The following BBS12 variants were observed in gnomAD, a reference collection of about 807,000 sequenced individuals.
BBS12 encodes chaperonin-containing T-complex member BBS12.
BBS12 carries 5 observed loss-of-function variants against 5.6 expected under a neutral mutation model. The ratio of observed to expected loss-of-function variants is 0.89; its 90% CI spans 0.46 to 1.86. The LOEUF (loss-of-function observed/expected upper bound fraction) is 1.86. BBS12 is among the 40% of genes most tolerant of loss of function. BBS12 has a pLI of 0.01. For synonymous variants in BBS12, 308 were observed against 306.8 expected (o/e 1.00, Z -0.04); for missense variants, 748 against 830.4 (o/e 0.90, Z 1.22).
upstream of BBS12, chr4:122,731,945 A>G (rs1800702427): frequency 6.6e-6 from 1 of 152,240 alleles, no homozygotes; most frequent in South Asian, 2.1e-4. Flanking sequence ...TGCACTGAAG[A>G]GACTTTATAT....
At chr4:122,704,464 A>T in the BBS12 span, among the ~76,000 whole-genome samples, 5 of 152,218 alleles carry the variant, frequency 3.3e-5, no homozygotes, top group African/African-American at 1.2e-4. Flanking sequence ...CTTGGACCCT[A>T]GCTGGCGCCC....
the BBS12 span, among the ~76,000 whole-genome samples, chr4:122,716,712 CATA>C: frequency 1.6e-4 from 15 of 95,176 alleles, no homozygotes; most frequent in Non-Finnish European, 2.6e-4. Flanking sequence ...TATACATACA[CATA>C]TGTGTGTATA....
At chr4:122,713,310 T>C in the BBS12 span, among the ~76,000 whole-genome samples, 1 of 152,142 alleles carries the variant, frequency 6.6e-6, no homozygotes, top group African/African-American at 2.4e-5. Flanking sequence ...TAAATAAATG[T>C]ATTTTTAATT....
the BBS12 span, among the ~76,000 whole-genome samples, chr4:122,723,630 C>G: frequency 6.6e-6 from 1 of 152,216 alleles, no homozygotes; most frequent in East Asian, 1.9e-4. Context: ...ATTTTCCCCA[C>G]TTCTGATACT....
chr4:122,703,787 T>C, the BBS12 span, among the ~76,000 whole-genome samples: 5 of 152,210 alleles, frequency 3.3e-5, no homozygotes, highest in African/African-American at 1.2e-4. Flanking sequence ...AAAATTCAAA[T>C]TCAGGAAAAT....
the BBS12 span, among the ~76,000 whole-genome samples, chr4:122,714,836 AACAAT>A: frequency 6.6e-6 from 1 of 152,140 alleles, no homozygotes; most frequent in East Asian, 1.9e-4. Flanking sequence ...TAAAACATAA[AACAAT>A]AGTTTATAAT....
At chr4:122,720,340 G>T in the BBS12 span, among the ~76,000 whole-genome samples, 5 of 152,190 alleles carry the variant, frequency 3.3e-5, no homozygotes, top group East Asian at 7.7e-4. Flanking sequence ...AATCCCAGCT[G>T]CTCAGGATGC....
chr4:122,733,253 G>T (rs1800727593), intron 1 of BBS12, among the ~76,000 whole-genome samples: 1 of 152,106 alleles, frequency 6.6e-6, no homozygotes, highest in Non-Finnish European at 1.5e-5. Context: ...TGGGTCTTGG[G>T]ATGTATTTAA....
chr4:122,705,755 C>T, the BBS12 span, among the ~76,000 whole-genome samples: 55 of 152,296 alleles, frequency 3.6e-4, no homozygotes, highest in South Asian at 0.011. Context: ...ACATGAGGGG[C>T]ATGTACAGTT....
chr4:122,716,688 T>C, the BBS12 span, among the ~76,000 whole-genome samples: 4,682 of 69,738 alleles, frequency 0.067, 533 homozygotes, highest in African/African-American at 0.2. Flanking sequence ...TATACACATA[T>C]GTGTATGTGT....
At chr4:122,720,718 G>A in the BBS12 span, among the ~76,000 whole-genome samples, 1 of 152,006 alleles carries the variant, frequency 6.6e-6, no homozygotes, top group African/African-American at 2.4e-5. Flanking sequence ...AACATTTGAA[G>A]AAATACTGGC....
the BBS12 span, among the ~76,000 whole-genome samples, chr4:122,723,026 A>C: frequency 1.3e-5 from 2 of 152,184 alleles, no homozygotes; most frequent in Non-Finnish European, 2.9e-5. Context: ...CCTGAGTTTT[A>C]ATCATAAATG....
the BBS12 span, among the ~76,000 whole-genome samples, chr4:122,723,919 A>G: frequency 6.6e-6 from 1 of 152,228 alleles, no homozygotes; most frequent in Non-Finnish European, 1.5e-5. Context: ...GCAAATAGTT[A>G]TAAAAGAGCA....
chr4:122,711,894 A>G, the BBS12 span, among the ~76,000 whole-genome samples: 1 of 152,198 alleles, frequency 6.6e-6, no homozygotes, highest in Non-Finnish European at 1.5e-5. Context: ...TGGATTAACC[A>G]GGTGTGGGGG....
chr4:122,741,844 T>A (rs759796226), intron 1 of BBS12, 39 bp from the exon 2 acceptor site: 2 of 1,526,902 alleles, frequency 1.3e-6, no homozygotes, highest in Admixed American at 1.7e-5. Context: ...AACTATGAAT[T>A]ATACTGAATA....
At chr4:122,739,688 G>T (rs1329634843) in intron 1 of BBS12, among the ~76,000 whole-genome samples, 1 of 152,238 alleles carries the variant, frequency 6.6e-6, no homozygotes, top group Non-Finnish European at 1.5e-5. Context: ...GCTTCGGAGG[G>T]TATGGGGATG....
At position 122,741,937 on chromosome 4, in the gene BBS12, A is replaced by C; in HGVS notation, c.45A>C (p.Gly15=). 1 of 1,613,972 alleles carries C rather than the reference A, an allele frequency of 6.2e-7. No homozygotes were observed. The part of the protein sequence containing the change: ...CRVVNKRRHM[G]LQQLSSFAET... ...TCGTAAACAAAAGAAGACACATGGG[A>C]CTTCAACAACTTTCATCATTCGCGG... Residue 15 remains glycine (G), a synonymous_variant, in exon 2 of 2, where the codon GGA becomes GGC. Transcript: ENST00000314218.
chr4:122,713,376 C>T, the BBS12 span, among the ~76,000 whole-genome samples: 1 of 151,862 alleles, frequency 6.6e-6, no homozygotes, highest in African/African-American at 2.4e-5. Flanking sequence ...TAGTCCCACC[C>T]AGCTACTTGG....
At chr4:122,705,450 C>T in the BBS12 span, among the ~76,000 whole-genome samples, 1 of 151,966 alleles carries the variant, frequency 6.6e-6, no homozygotes, top group Non-Finnish European at 1.5e-5. Context: ...CTACCAAAAA[C>T]AAAACAAAAA....
Sources: gnomAD v4.1 joint callset for allele counts (sites outside exome capture counted in the v4.1 genomes callset) on GRCh38, gnomAD v4.1.1 for gene constraint, MANE v1.5 for transcripts, NCBI Gene and HGNC (gene_info 2026-07-23, HGNC 2026-07-21) for gene names.